KYAT1: variants seen among roughly 807,000 people sequenced by gnomAD.
The protein encoded by KYAT1 is kynurenine--oxoglutarate transaminase 1.
Under a neutral mutation model 52.4 loss-of-function variants are expected in KYAT1, and 47 were observed. The observed-to-expected ratio is 0.90, with a 90% CI of 0.71 to 1.14. KYAT1 has a LOEUF of 1.14. KYAT1 is among the 50% of genes most tolerant of loss of function. KYAT1 has a pLI of 0.00. For missense variants in KYAT1, 480 were observed against 557.9 expected, an observed-to-expected ratio of 0.86 and a Z score of 1.41; for synonymous variants, 212 against 209.6, an observed-to-expected ratio of 1.01 and a Z score of -0.10.
chr9:128,878,867 G>A (rs775200498), intron 1 of KYAT1, among the ~76,000 whole-genome samples: 7 of 152,130 alleles, frequency 4.6e-5, no homozygotes, highest in East Asian at 1.9e-4. Context: ...AGATAGCCTC[G>A]CGGGAGCCTT....
intron 1 of KYAT1, among the ~76,000 whole-genome samples, chr9:128,848,249 G>C (rs952962731): frequency 1.4e-5 from 2 of 148,144 alleles, no homozygotes; most frequent in African/African-American, 4.9e-5. Context: ...ATCCTGGAGA[G>C]GTCAAGGCTA....
At chr9:128,846,024 G>A (rs1833035371) in intron 1 of KYAT1, among the ~76,000 whole-genome samples, 2 of 152,224 alleles carry the variant, frequency 1.3e-5, no homozygotes, top group Admixed American at 1.3e-4. Context: ...CTAACTCTGA[G>A]GGAGGCACTA....
chr9:128,860,480 C>T (rs1385382277), intron 1 of KYAT1: 1 of 152,046 alleles, frequency 6.6e-6, no homozygotes, highest in Non-Finnish European at 1.5e-5. Context: ...ACCTTTCTGC[C>T]TCTCCAGTTT....
chr9:128,857,705 G>A (rs889920754), intron 1 of KYAT1, among the ~76,000 whole-genome samples: 4 of 152,120 alleles, frequency 2.6e-5, no homozygotes, highest in African/African-American at 4.8e-5. Flanking sequence ...GCGTGGTGGT[G>A]GGCACCTGCA....
intron 1 of KYAT1, among the ~76,000 whole-genome samples, chr9:128,845,719 C>T (rs547606427): frequency 2.6e-5 from 4 of 152,332 alleles, no homozygotes; most frequent in African/African-American, 9.6e-5. Flanking sequence ...AGAGCCCTGA[C>T]TTGGCCAGGT....
At chr9:128,851,504 C>T (rs534477422) in intron 1 of KYAT1, among the ~76,000 whole-genome samples, 7 of 152,270 alleles carry the variant, frequency 4.6e-5, no homozygotes, top group Non-Finnish European at 8.8e-5. Flanking sequence ...TAGAACAATT[C>T]TGCCCATGGT....
chr9:128,842,956 C>G (rs1832464356), intron 2 of KYAT1, among the ~76,000 whole-genome samples, 155 bp from the exon 3 acceptor site: 1 of 152,150 alleles, frequency 6.6e-6, no homozygotes, highest in African/African-American at 2.4e-5. Flanking sequence ...CACCTGAGGT[C>G]AGGAGTTTGA....
At chr9:128,873,694 C>T (rs1354769756) in intron 1 of KYAT1, among the ~76,000 whole-genome samples, 3 of 151,798 alleles carry the variant, frequency 2.0e-5, no homozygotes, top group Non-Finnish European at 2.9e-5. Context: ...GCAGGAGAAT[C>T]GCTTGAACCC....
intron 1 of KYAT1, among the ~76,000 whole-genome samples, chr9:128,859,121 G>C (rs1835092465): frequency 6.6e-6 from 1 of 152,138 alleles, no homozygotes; most frequent in Admixed American, 6.6e-5. Flanking sequence ...CCAGCATTTT[G>C]GGAGGCCAAG....
intron 1 of KYAT1, among the ~76,000 whole-genome samples, chr9:128,867,865 C>T (rs778558379): frequency 9.2e-5 from 14 of 151,972 alleles, no homozygotes; most frequent in Non-Finnish European, 1.8e-4. Context: ...CTCTGCCTCC[C>T]GGGTTCACGC....
At chr9:128,847,929 A>G (rs1419488249) in intron 1 of KYAT1, among the ~76,000 whole-genome samples, 1 of 152,220 alleles carries the variant, frequency 6.6e-6, no homozygotes, top group Non-Finnish European at 1.5e-5. Context: ...CCTGCAAATT[A>G]TTCCTGCTGT....
rs1830521049 is a variant in KYAT1, at chr9:128,833,781, G to C, written c.1168C>G (p.Gln390Glu). 6.2e-7 allele frequency: 1 copy of C among 1,614,090 alleles called. No homozygotes were observed. Among genetic ancestry groups the C allele is most frequent in the African/African-American group, 1.3e-5 (1 of 74,934 alleles). ...PVSIFYSVPH[Q>E]KHFDHYIRFC... is the part of the protein sequence containing the mutation. ...CGGATATAGTGGTCAAAGTGCTTCT[G>C]ATGTGGCACACTATAGAAGATGGAG... The change falls in exon 12 of 13, where the codon CAG (glutamine) becomes GAG (glutamate). Residue 390 changes from glutamine to glutamate, a missense_variant. Physicochemically the swap from Gln to Glu is conservative, Grantham distance 29. Coordinates refer to ENST00000302586, the MANE Select transcript of KYAT1 (RefSeq NM_004059.5).
intron 1 of KYAT1, among the ~76,000 whole-genome samples, chr9:128,873,264 G>T (rs904840148): frequency 1.3e-5 from 2 of 151,306 alleles, no homozygotes; most frequent in Non-Finnish European, 2.9e-5. Context: ...AGGACTTTGG[G>T]AGGCCAAGGC....
intron 1 of KYAT1, among the ~76,000 whole-genome samples, chr9:128,872,469 G>T (rs368175942): frequency 6.9e-6 from 1 of 145,430 alleles, no homozygotes; most frequent in Non-Finnish European, 1.5e-5. Flanking sequence ...AAGCAAAACA[G>T]AAAAAGACCA....
At chr9:128,864,187 C>T (rs867447645) in intron 1 of KYAT1, among the ~76,000 whole-genome samples, 6 of 151,666 alleles carry the variant, frequency 4.0e-5, no homozygotes, top group Non-Finnish European at 8.8e-5. Flanking sequence ...ACAGTGAAAC[C>T]CCGTCTCTAC....
chr9:128,843,590 G>T (rs981011341), intron 2 of KYAT1, among the ~76,000 whole-genome samples: 3 of 152,068 alleles, frequency 2.0e-5, no homozygotes, highest in African/African-American at 7.2e-5. Context: ...TGTTGGCCAG[G>T]CTGGTCTCGA....
intron 1 of KYAT1, chr9:128,860,527 T>C (rs1227677577): frequency 1.3e-5 from 2 of 151,790 alleles, no homozygotes; most frequent in Non-Finnish European, 2.9e-5. Flanking sequence ...AATTTTCTGA[T>C]GAACTGAAAA....
intron 1 of KYAT1, chr9:128,847,573 G>C (rs1417888893): frequency 7.1e-7 from 1 of 1,413,852 alleles, no homozygotes. Context: ...CAGAGGCAGG[G>C]GAGAAGGGAG....
chr9:128,841,162 G>T (rs2119068400), intron 3 of KYAT1, among the ~76,000 whole-genome samples: 1 of 152,006 alleles, frequency 6.6e-6, no homozygotes, highest in East Asian at 1.9e-4. Context: ...ACGAGGTCAA[G>T]AGATCGAGAC....
Sources: gnomAD v4.1 joint callset for allele counts (sites outside exome capture counted in the v4.1 genomes callset) on GRCh38, gnomAD v4.1.1 for gene constraint, MANE v1.5 for transcripts, NCBI Gene and HGNC (gene_info 2026-07-23, HGNC 2026-07-21) for gene names.